Variants in VAV2 observed in about 807,000 individuals in gnomAD.
VAV2 encodes guanine nucleotide exchange factor VAV2.
VAV2 carries 67 observed loss-of-function variants against 132.5 expected under a neutral mutation model. The observed-to-expected ratio is 0.51, with a 90% CI of 0.42 to 0.62. VAV2 has a LOEUF of 0.62. VAV2 is among the 20% of genes least tolerant of loss of function. The probability of loss-of-function intolerance (pLI) is 0.00; values close to 1 mark genes in which losing one functional copy is unlikely to be tolerated. For synonymous variants in VAV2, 492 were observed against 443.5 expected (o/e 1.11, Z -1.37); for missense variants, 938 against 1,153.6 (o/e 0.81, Z 2.71).
At chr9:133,800,479 C>T (rs781631213) in intron 9 of VAV2, among the ~76,000 whole-genome samples, 5 of 152,182 alleles carry the variant, frequency 3.3e-5, no homozygotes, top group Non-Finnish European at 7.3e-5. Flanking sequence ...GGGCCACGCT[C>T]GGGCCCGAGG....
intron 2 of VAV2, among the ~76,000 whole-genome samples, chr9:133,896,442 A>C (rs1346878524): frequency 6.6e-6 from 1 of 152,188 alleles, no homozygotes; most frequent in African/African-American, 2.4e-5. Context: ...CAACAGAGTG[A>C]GACTCAGTCT....
chr9:133,887,000 A>C (rs1384294259), intron 2 of VAV2, among the ~76,000 whole-genome samples: 2 of 152,136 alleles, frequency 1.3e-5, no homozygotes, highest in Non-Finnish European at 1.5e-5. Flanking sequence ...GGCAGGTGCC[A>C]AGCCCCCCCT....
intron 11 of VAV2, 127 bp downstream of exon 11, chr9:133,796,302 T>G: frequency 2.8e-6 from 2 of 723,684 alleles, no homozygotes; most frequent in Non-Finnish European, 4.5e-6. Context: ...GAGCTAAGCA[T>G]GAACTGACTT....
intron 2 of VAV2, among the ~76,000 whole-genome samples, chr9:133,924,092 A>G (rs1400918523): frequency 2.0e-5 from 3 of 152,194 alleles, no homozygotes; most frequent in Non-Finnish European, 4.4e-5. Flanking sequence ...ATACCTATGT[A>G]TCAAACCTGC....
At chr9:133,783,477 G>A (rs748567723) in intron 19 of VAV2, 26 bp downstream of exon 19, 5 of 1,523,156 alleles carry the variant, frequency 3.3e-6, no homozygotes, top group Non-Finnish European at 4.4e-6. Flanking sequence ...CAGGGACTGG[G>A]GTGGGGGGGT....
intron 2 of VAV2, among the ~76,000 whole-genome samples, chr9:133,881,251 T>C (rs1346526494): frequency 6.6e-6 from 1 of 152,252 alleles, no homozygotes; most frequent in Non-Finnish European, 1.5e-5. Flanking sequence ...AGATGCGGCC[T>C]TCCCGCAGGC....
At chr9:133,878,018 C>T (rs1182086063) in intron 2 of VAV2, among the ~76,000 whole-genome samples, 2 of 152,192 alleles carry the variant, frequency 1.3e-5, no homozygotes, top group East Asian at 1.9e-4. Context: ...CTTGGCCCCC[C>T]GACACCCCCC....
chr9:133,971,210 ACTG>A (rs1437799670), intron 1 of VAV2, among the ~76,000 whole-genome samples: 1 of 152,132 alleles, frequency 6.6e-6, no homozygotes, highest in East Asian at 1.9e-4. Context: ...AACAGTCGTA[ACTG>A]CTGCTGTGAG....
rs1833336753 is a variant in VAV2 at position 133,763,627 on chromosome 9, C to T, written c.*435G>A. ...CAGGAAAAGACAGGCAAGGCTGAGT[C>T]CAGGGGCTGAGCAGAGGGTGTGGGG... On this transcript the variant is annotated 3_prime_UTR_variant, in exon 30 of 30. Transcript: ENST00000371850. The surrounding 1 kb of genome is among the most constrained non-coding windows in gnomAD (Gnocchi z 6.8). 2 of 191,700 alleles carry T rather than the reference C, an allele frequency of 1.0e-5. No homozygotes were observed. Among genetic ancestry groups the T allele is most frequent in the Non-Finnish European group, 2.2e-5 (2 of 92,472 alleles). The allele number at this position is 191,700 out of a possible 1,614,324, so 11.9% of individuals were successfully genotyped here. A position where few individuals can be genotyped will look rare whatever the true frequency, so the allele number is the denominator to read the frequency against.
chr9:133,895,699 G>C (rs931264972), intron 2 of VAV2, among the ~76,000 whole-genome samples: 1 of 152,186 alleles, frequency 6.6e-6, no homozygotes, highest in African/African-American at 2.4e-5. Context: ...TGGGGGTAAT[G>C]AAAGCGTTTT....
rs1835918133 is a variant in VAV2, at chr9:133,824,728, C to T, written c.449+9544G>A. 6.6e-6 allele frequency among the ~76,000 whole-genome samples: 1 copy of T among 152,144 alleles called. No homozygotes were observed. Among genetic ancestry groups the T allele is most frequent in the South Asian group, 2.1e-4 (1 of 4,826 alleles). ...GGGGCAGGGAGGGCTCCTTTAGCCA[C>T]CCCTGGGGTTAGGGAGGGGTGGTCT... On this transcript the variant is annotated intron_variant, in intron 4 of 29. Coordinates refer to ENST00000371850, the MANE Select transcript of VAV2 (RefSeq NM_001134398.2). This position sits in a 1 kb window ranked among gnomAD's most constrained non-coding sequence, Gnocchi z 5.2.
chr9:133,935,513 G>T lies in VAV2; in HGVS notation c.321+3590C>A, dbSNP rs73554666. Among the ~76,000 whole-genome samples, 2 of 152,126 alleles carry T rather than the reference G, an allele frequency of 1.3e-5. No individual in the cohort carries two copies. Among genetic ancestry groups the T allele is most frequent in the African/African-American group, 4.8e-5 (2 of 41,414 alleles). On this transcript the variant is annotated intron_variant, in intron 2 of 29. Coordinates refer to ENST00000371850, the MANE Select transcript of VAV2 (RefSeq NM_001134398.2). The surrounding 1 kb of genome is among the most constrained non-coding windows in gnomAD (Gnocchi z 5.2). Reference sequence around the variant, plus strand: ...GCAGGGACTGCAACAAATACGCCCCGGCCCAGCAAGAGGTCCCCAGGAGTC... The same window carrying T: ...GCAGGGACTGCAACAAATACGCCCCTGCCCAGCAAGAGGTCCCCAGGAGTC...
At chr9:133,982,565 T>C (rs922187875) in intron 1 of VAV2, among the ~76,000 whole-genome samples, 6 of 151,382 alleles carry the variant, frequency 4.0e-5, no homozygotes, top group Non-Finnish European at 8.9e-5. Flanking sequence ...CAGGAGTCTC[T>C]GGCTGGCGGG....
At chr9:133,825,184 T>A (rs1835935826) in intron 4 of VAV2, among the ~76,000 whole-genome samples, 3 of 102,088 alleles carry the variant, frequency 2.9e-5, no homozygotes, top group Admixed American at 3.1e-4. Context: ...TCCTTGTCGA[T>A]GAAGGACCTG....
At chr9:133,983,535 G>C (rs535354914) in intron 1 of VAV2, among the ~76,000 whole-genome samples, 8 of 152,210 alleles carry the variant, frequency 5.3e-5, no homozygotes, top group Non-Finnish European at 1.0e-4. Context: ...AGGCAGACAC[G>C]GGTCACTCTC....
chr9:133,961,156 C>T lies in VAV2; in HGVS notation c.205-21937G>A, dbSNP rs576054068. ...AGCCCAACACGGACCAAGGCCACCT[C>T]GGCTTCATTCACCAAGCGGTCCCCA... On this transcript the variant is annotated intron_variant, in intron 1 of 29. Coordinates refer to ENST00000371850, the MANE Select transcript of VAV2 (RefSeq NM_001134398.2). The surrounding 1 kb of genome is among the most constrained non-coding windows in gnomAD (Gnocchi z 4.1). 5.3e-5 allele frequency among the ~76,000 whole-genome samples: 8 copies of T among 152,366 alleles called. No homozygotes were observed. In the South Asian group the frequency reaches 1.0e-3, roughly 20 times the overall value.
At position 133,883,873 on chromosome 9, in the gene VAV2, T is replaced by C. The variant is rs1838597184; in HGVS notation, c.322-22441A>G. On this transcript the variant is annotated intron_variant, in intron 2 of 29. Transcript: ENST00000371850. The surrounding 1 kb of genome is among the most constrained non-coding windows in gnomAD (Gnocchi z 4.2). Reference sequence around the variant, plus strand: ...CTAGTAGGCCCGGTGTGGTGGCTTATACCTGTAATCCCAGCACTTTGGGAG... The same window carrying C: ...CTAGTAGGCCCGGTGTGGTGGCTTACACCTGTAATCCCAGCACTTTGGGAG... Among the ~76,000 whole-genome samples, 2 of 152,156 alleles carry C rather than the reference T, an allele frequency of 1.3e-5. No homozygotes were observed. Among genetic ancestry groups the C allele is most frequent in the African/African-American group, 2.4e-5 (1 of 41,430 alleles).
chr9:133,901,945 T>C (rs534890849), intron 2 of VAV2, among the ~76,000 whole-genome samples: 2 of 152,236 alleles, frequency 1.3e-5, no homozygotes, highest in Admixed American at 6.5e-5. Flanking sequence ...GTCCCTACCA[T>C]GCACCTCCTC....
chr9:133,987,671 A>G (rs889877777), intron 1 of VAV2, among the ~76,000 whole-genome samples: 32 of 152,304 alleles, frequency 2.1e-4, no homozygotes, highest in Non-Finnish European at 4.1e-4. Flanking sequence ...CGATGTGGGC[A>G]AGTCAGAGGC....
Sources: gnomAD v4.1 joint callset for allele counts (sites outside exome capture counted in the v4.1 genomes callset) on GRCh38, gnomAD v4.1.1 for gene constraint, Gnocchi (gnomAD v3.1) non-coding constraint, MANE v1.5 for transcripts, NCBI Gene and HGNC (gene_info 2026-07-23, HGNC 2026-07-21) for gene names.